Variants in ARHGAP15 observed in about 807,000 individuals in gnomAD.
ARHGAP15 encodes the protein rho GTPase-activating protein 15.
In ARHGAP15, 51 loss-of-function variants were observed where a neutral mutation model predicts 63.7. That is an observed-to-expected ratio of 0.80 (90% CI 0.64 to 1.01). The LOEUF is 1.01. Among genes scored for constraint, ARHGAP15 ranks in the 50% least tolerant of loss-of-function variants. The pLI, the probability that ARHGAP15 is intolerant of heterozygous loss-of-function variation, is 0.00. For synonymous variants in ARHGAP15, 191 were observed against 193.8 expected (o/e 0.99, Z 0.12); for missense variants, 560 against 564.6 (o/e 0.99, Z 0.08).
intron 13 of ARHGAP15, among the ~76,000 whole-genome samples, chr2:143,717,899 G>A (rs1684880605): frequency 1.3e-5 from 2 of 151,438 alleles, no homozygotes; most frequent in Admixed American, 6.6e-5. Flanking sequence ...AATTGTGAAG[G>A]ATCTTCTGGG....
intron 6 of ARHGAP15, among the ~76,000 whole-genome samples, chr2:143,385,328 G>T (rs1259485302): frequency 6.6e-6 from 1 of 152,146 alleles, no homozygotes; most frequent in Non-Finnish European, 1.5e-5. Context: ...GTCAACCGAA[G>T]TGTTTTCTGT....
intron 12 of ARHGAP15, among the ~76,000 whole-genome samples, chr2:143,628,121 C>T (rs1698909816): frequency 6.6e-6 from 1 of 151,980 alleles, no homozygotes; most frequent in Non-Finnish European, 1.5e-5. Context: ...AGGATAATGG[C>T]CTCCAGCTGT....
intron 2 of ARHGAP15, among the ~76,000 whole-genome samples, chr2:143,182,306 T>G (rs1228562168): frequency 6.6e-6 from 1 of 152,150 alleles, no homozygotes; most frequent in Non-Finnish European, 1.5e-5. Context: ...TTCATTGGCC[T>G]AATTTTAATA....
chr2:143,743,953 A>C (rs993873159), intron 13 of ARHGAP15, among the ~76,000 whole-genome samples: 19 of 152,244 alleles, frequency 1.2e-4, no homozygotes, highest in African/African-American at 4.6e-4. Flanking sequence ...AAAATGCCAT[A>C]AAGGACAATA....
chr2:143,388,453 G>GA (rs2104960536), intron 6 of ARHGAP15, among the ~76,000 whole-genome samples: 1 of 152,300 alleles, frequency 6.6e-6, no homozygotes, highest in African/African-American at 2.4e-5. Flanking sequence ...GAAATTATGT[G>GA]ATACACTACA....
At chr2:143,458,433 G>C (rs1690763144) in intron 8 of ARHGAP15, among the ~76,000 whole-genome samples, 1 of 152,142 alleles carries the variant, frequency 6.6e-6, no homozygotes, top group African/African-American at 2.4e-5. Flanking sequence ...TTCCTTCAGG[G>C]AGACAGTTAC....
At chr2:143,223,623 T>C (rs1436018441) in intron 4 of ARHGAP15, among the ~76,000 whole-genome samples, 3 of 152,306 alleles carry the variant, frequency 2.0e-5, no homozygotes, top group East Asian at 3.9e-4. Flanking sequence ...CAGTTCAGCA[T>C]TGCAGGATGG....
intron 13 of ARHGAP15, among the ~76,000 whole-genome samples, chr2:143,721,939 G>A (rs6708654): frequency 0.29 from 44,026 of 152,020 alleles, 7,196 homozygotes; most frequent in Non-Finnish European, 0.38. Context: ...CACCGGCCTC[G>A]GCCTCGGCCT....
At chr2:143,421,364 C>T (rs1360034855) in intron 6 of ARHGAP15, among the ~76,000 whole-genome samples, 3 of 151,310 alleles carry the variant, frequency 2.0e-5, no homozygotes, top group African/African-American at 7.3e-5. Context: ...TGTTAAATTA[C>T]ATATGAAGAT....
At chr2:143,362,534 A>G (rs1172458714) in intron 6 of ARHGAP15, among the ~76,000 whole-genome samples, 1 of 152,172 alleles carries the variant, frequency 6.6e-6, no homozygotes, top group Non-Finnish European at 1.5e-5. Flanking sequence ...TTTATTCGGG[A>G]TGAAAATCTC....
intron 9 of ARHGAP15, among the ~76,000 whole-genome samples, chr2:143,494,748 A>G (rs1182342347): frequency 6.6e-6 from 1 of 152,232 alleles, no homozygotes; most frequent in Non-Finnish European, 1.5e-5. Context: ...AAACATGGGT[A>G]GACCTGGCCA....
chr2:143,534,503 G>C (rs942222718), intron 10 of ARHGAP15, among the ~76,000 whole-genome samples: 6 of 152,056 alleles, frequency 3.9e-5, no homozygotes, highest in African/African-American at 1.2e-4. Context: ...ACCCAGAGAA[G>C]AGACAGGCCT....
At chr2:143,750,825 G>A (rs11901783) in intron 13 of ARHGAP15, among the ~76,000 whole-genome samples, 324 of 152,316 alleles carry the variant, frequency 2.1e-3, no homozygotes, top group African/African-American at 7.5e-3. Flanking sequence ...GAGAATTTCT[G>A]CCCTAGAATG....
At chr2:143,192,364 A>G (rs1300074016) in intron 2 of ARHGAP15, among the ~76,000 whole-genome samples, 3 of 152,238 alleles carry the variant, frequency 2.0e-5, no homozygotes, top group Non-Finnish European at 4.4e-5. Context: ...CTACACATGG[A>G]TAACCATTCT....
At chr2:143,358,867 G>A (rs189028360) in intron 6 of ARHGAP15, among the ~76,000 whole-genome samples, 1 of 151,368 alleles carries the variant, frequency 6.6e-6, no homozygotes, top group African/African-American at 2.4e-5. Flanking sequence ...TATTGAGTGG[G>A]TAGCCAAATT....
intron 2 of ARHGAP15, among the ~76,000 whole-genome samples, chr2:143,189,572 A>G (rs1212286034): frequency 6.7e-6 from 1 of 149,056 alleles, no homozygotes; most frequent in African/African-American, 2.5e-5. Context: ...AGCGACTCTC[A>G]TGCCTCAGCC....
chr2:143,248,365 A>G (rs564616371), intron 5 of ARHGAP15, among the ~76,000 whole-genome samples: 25 of 152,344 alleles, frequency 1.6e-4, no homozygotes, highest in Middle Eastern at 6.8e-3. Flanking sequence ...GACAAAAACA[A>G]GATGAATATG....
At chr2:143,766,205 C>T (rs963653392) in intron 13 of ARHGAP15, among the ~76,000 whole-genome samples, 4 of 152,112 alleles carry the variant, frequency 2.6e-5, no homozygotes, top group African/African-American at 9.7e-5. Flanking sequence ...TTCAGTTATC[C>T]AAAGTCAACC....
chr2:143,341,781 G>A (rs931357359), intron 6 of ARHGAP15, among the ~76,000 whole-genome samples: 1 of 152,044 alleles, frequency 6.6e-6, no homozygotes, highest in East Asian at 1.9e-4. Context: ...ATTTAATAAA[G>A]TTAGTAGACC....
Sources: gnomAD v4.1 joint callset for allele counts (sites outside exome capture counted in the v4.1 genomes callset) on GRCh38, gnomAD v4.1.1 for gene constraint, MANE v1.5 for transcripts, NCBI Gene and HGNC (gene_info 2026-07-23, HGNC 2026-07-21) for gene names.